Variants in NBEAL1 observed in about 807,000 individuals in gnomAD.
NBEAL1 encodes the protein neurobeachin like 1.
NBEAL1 carries 273 observed loss-of-function variants against 351.3 expected under a neutral mutation model. That is an observed-to-expected ratio of 0.78 (90% CI 0.70 to 0.86). The LOEUF (loss-of-function observed/expected upper bound fraction) is 0.86. Among genes scored for constraint, NBEAL1 ranks in the 40% least tolerant of loss-of-function variants. The pLI is 0.00. For missense variants in NBEAL1, 2,961 were observed against 3,201.3 expected (o/e 0.92, Z 1.81); for synonymous variants, 1,050 against 1,086.4 (o/e 0.97, Z 0.66).
intron 2 of NBEAL1, chr2:203,040,852 G>A (rs1440722282): frequency 9.0e-6 from 4 of 444,482 alleles, no homozygotes; most frequent in Non-Finnish European, 1.7e-5. Flanking sequence ...GGGCTCACAT[G>A]GCTATCGGGG....
intron 3 of NBEAL1, among the ~76,000 whole-genome samples, chr2:203,043,805 A>T (rs2061183940): frequency 6.6e-6 from 1 of 151,666 alleles, no homozygotes; most frequent in South Asian, 2.1e-4. Context: ...GAGTATCTGG[A>T]GACTTAAATC....
In NBEAL1 at chr2:203,049,913, G is replaced by T. The variant is rs748708680; in HGVS notation, c.243G>T (p.Gly81=). 1.9e-6 allele frequency: 3 copies of T among 1,556,732 alleles called. No homozygotes were observed. Among genetic ancestry groups the T allele is most frequent in the Middle Eastern group, 3.3e-4 (2 of 5,998 alleles). Residue 81 remains glycine (G), a synonymous_variant, in exon 4 of 56, where the codon GGG becomes GGT. Coordinates refer to ENST00000683969, the MANE Select transcript of NBEAL1 (RefSeq NM_001378026.1). Reference sequence around the variant, plus strand: ...AGTGTGTTCAGAAAATGGCAGATGGGTTAGAGGAACAACAGCAAGCCTTGT... The same window carrying T: ...AGTGTGTTCAGAAAATGGCAGATGGTTTAGAGGAACAACAGCAAGCCTTGT... The part of the protein sequence containing the change: ...LLQCVQKMAD[G]LEEQQQALSI...
At chr2:203,094,168 C>G (rs1422353199) in intron 10 of NBEAL1, among the ~76,000 whole-genome samples, 1 of 152,034 alleles carries the variant, frequency 6.6e-6, no homozygotes, top group Non-Finnish European at 1.5e-5. Flanking sequence ...ATATAATTTT[C>G]TAATTGTATT....
At position 203,021,479 on chromosome 2, in the gene NBEAL1, C is replaced by T. The variant is rs562394260; in HGVS notation, c.51+5044C>T. Among the ~76,000 whole-genome samples, 23 of 151,846 alleles carry T rather than the reference C, an allele frequency of 1.5e-4. No homozygotes were observed. The South Asian group carries it at 4.6e-3, about 30-fold the overall frequency. ...GGCATGATGGTGCACACCTGTGGTCCCAGCTACTCAGGAGATAGGGTGGGA... is the reference window on the plus strand; with the variant it reads ...GGCATGATGGTGCACACCTGTGGTCTCAGCTACTCAGGAGATAGGGTGGGA... On this transcript the variant is annotated intron_variant, in intron 2 of 55. Coordinates refer to ENST00000683969, the MANE Select transcript of NBEAL1 (RefSeq NM_001378026.1).
At chr2:203,083,649 C>A in intron 9 of NBEAL1, 124 bp downstream of exon 9, 1 of 716,762 alleles carries the variant, frequency 1.4e-6, no homozygotes, top group Non-Finnish European at 2.2e-6. Context: ...TATCATATGA[C>A]TGCTTAGACT....
At chr2:203,122,199 T>G in intron 18 of NBEAL1, 55 bp from the exon 19 acceptor site, 1 of 1,024,672 alleles carries the variant, frequency 9.8e-7, no homozygotes, top group Non-Finnish European at 1.4e-6. Context: ...TATATGTGGT[T>G]AAATTTATGT....
Position 203,219,818 on chromosome 2 carries a change from A to G in NBEAL1, c.*2464A>G, listed in dbSNP as rs2065936190. The G allele has an allele frequency of 6.6e-6, 1 of 152,102 alleles. No individual in the cohort carries two copies. The highest frequency in any genetic ancestry group is 2.1e-4 in the South Asian group (1 of 4,824). The allele number at this position is 152,102 out of a possible 1,614,324, so 9.4% of individuals were successfully genotyped here. Reference sequence around the variant, plus strand: ...GGTTGCAGTGACCTGAGATCACGCTACTGCACTCCAGCTTGGGCAACAGAG... The same window carrying G: ...GGTTGCAGTGACCTGAGATCACGCTGCTGCACTCCAGCTTGGGCAACAGAG... On this transcript the variant is annotated 3_prime_UTR_variant, in exon 56 of 56. Transcript: ENST00000683969.
chr2:203,039,189 T>TCTTTCCTTTCCTTTC (rs1313349603), intron 2 of NBEAL1, among the ~76,000 whole-genome samples: 1 of 115,990 alleles, frequency 8.6e-6, no homozygotes, highest in African/African-American at 2.9e-5. Flanking sequence ...CCTTTCCTTT[T>TCTTTCCTTTCCTTTC]CTTTCCTTTC....
At chr2:203,086,266 A>T (rs1028127189) in intron 10 of NBEAL1, 4 of 152,120 alleles carry the variant, frequency 2.6e-5, no homozygotes, top group Non-Finnish European at 2.9e-5. Flanking sequence ...ACTGTGTATC[A>T]CTGTGGCCAC....
intron 2 of NBEAL1, among the ~76,000 whole-genome samples, chr2:203,017,527 G>A (rs868220214): frequency 9.9e-5 from 15 of 151,920 alleles, no homozygotes; most frequent in African/African-American, 2.2e-4. Flanking sequence ...AAAAATAGAC[G>A]CTTCCAATAA....
At chr2:203,159,685 C>T (rs930344636) in intron 36 of NBEAL1, among the ~76,000 whole-genome samples, 16 of 152,066 alleles carry the variant, frequency 1.1e-4, no homozygotes, top group African/African-American at 3.4e-4. Context: ...ATGAATAGTA[C>T]TTCCATGAAT....
rs755776534 is a variant in NBEAL1 at position 203,157,784 on chromosome 2, A to G, written c.5673A>G (p.Lys1891=). ...QVKVSDMVED[K]LDLPEEDITA... is the part of the protein sequence containing the mutation. ...AAGTTAGTGATATGGTGGAGGATAA[A>G]TTAGACCTTCCTGAAGAGGATATAA... The change falls in exon 36 of 56, where the codon AAA becomes AAG. Residue 1891 remains lysine, a synonymous_variant. Coordinates refer to ENST00000683969, the MANE Select transcript of NBEAL1 (RefSeq NM_001378026.1). 6.3e-7 allele frequency: 1 copy of G among 1,594,452 alleles called. No individual in the cohort carries two copies. Among genetic ancestry groups the G allele is most frequent in the Non-Finnish European group, 8.5e-7 (1 of 1,170,722 alleles).
At chr2:203,107,143 A>G (rs901895683) in intron 12 of NBEAL1, among the ~76,000 whole-genome samples, 1 of 152,192 alleles carries the variant, frequency 6.6e-6, no homozygotes, top group African/African-American at 2.4e-5. Flanking sequence ...CATATGCCCT[A>G]ATCTGCAAAT....
chr2:203,144,869 T>A lies in NBEAL1; in HGVS notation c.5118T>A (p.Cys1706Ter), dbSNP rs767061659. ...SSFFEDFQEY[C>*]NSNEWQVYIE... Reference sequence around the variant, plus strand: ...TTTTTGAAGATTTTCAAGAATATTGTAATTCAAATGAATGGCAAGTTTACA... The same window carrying A: ...TTTTTGAAGATTTTCAAGAATATTGAAATTCAAATGAATGGCAAGTTTACA... Residue 1706 changes from cysteine (C) to a stop codon, truncating the protein, a stop_gained, in exon 32 of 56, where the codon TGT becomes TGA. Transcript: ENST00000683969. LOFTEE classifies it high-confidence loss of function. 2.5e-6 allele frequency: 4 copies of A among 1,604,452 alleles called. No individual in the cohort carries two copies. In the South Asian group the frequency reaches 4.5e-5, roughly 18 times the overall value.
chr2:203,086,258 T>G (rs1271743086), intron 10 of NBEAL1: 1 of 152,234 alleles, frequency 6.6e-6, no homozygotes, highest in Non-Finnish European at 1.5e-5. Context: ...TCTTTTTTAC[T>G]GTGTATCACT....
chr2:203,082,797 C>T lies in NBEAL1; in HGVS notation c.685-422C>T, dbSNP rs189405241. Among the ~76,000 whole-genome samples, 40 of 152,280 alleles carry T rather than the reference C, an allele frequency of 2.6e-4. No homozygotes were observed. The East Asian group carries it at 6.0e-3, about 23-fold the overall frequency. ...CAAGGACTGAGGTCCTTCAATATTCCTATTCTTTCTGTAGCCTGCTACTTT... is the reference window on the plus strand; with the variant it reads ...CAAGGACTGAGGTCCTTCAATATTCTTATTCTTTCTGTAGCCTGCTACTTT... On this transcript the variant is annotated intron_variant, in intron 8 of 55. Coordinates refer to ENST00000683969, the MANE Select transcript of NBEAL1 (RefSeq NM_001378026.1).
chr2:203,138,838 T>A, intron 31 of NBEAL1, 90 bp downstream of exon 31: 1 of 1,312,880 alleles, frequency 7.6e-7, no homozygotes, highest in Non-Finnish European at 1.0e-6. Flanking sequence ...CTTTTTGGTA[T>A]TTTAAGTTTT....
intron 36 of NBEAL1, among the ~76,000 whole-genome samples, chr2:203,162,314 G>T (rs1471296284): frequency 1.3e-5 from 2 of 152,016 alleles, no homozygotes; most frequent in Admixed American, 1.3e-4. Context: ...GTGAGCCACT[G>T]TACCCAGCCT....
chr2:203,171,146 G>A (rs186791132), intron 39 of NBEAL1, among the ~76,000 whole-genome samples: 56 of 151,950 alleles, frequency 3.7e-4, no homozygotes, highest in African/African-American at 9.4e-4. Flanking sequence ...TAATCCCAGC[G>A]ACTCAGGAGG....
Sources: gnomAD v4.1 joint callset for allele counts (sites outside exome capture counted in the v4.1 genomes callset) on GRCh38, gnomAD v4.1.1 for gene constraint, MANE v1.5 for transcripts, NCBI Gene and HGNC (gene_info 2026-07-23, HGNC 2026-07-21) for gene names.